ACCSL: variants seen among roughly 807,000 people sequenced by gnomAD.
ACCSL encodes 1-aminocyclopropane-1-carboxylate synthase homolog (inactive) like, also known as probable inactive 1-aminocyclopropane-1-carboxylate synthase-like protein 2.
A neutral mutation model predicts 61.7 loss-of-function variants in ACCSL; 55 were observed. That is an observed-to-expected ratio of 0.89 (90% confidence interval 0.72 to 1.12). The LOEUF is 1.12. ACCSL is among the 50% of genes most tolerant of loss of function. The probability of loss-of-function intolerance (pLI) is 0.00; values close to 1 mark genes in which losing one functional copy is unlikely to be tolerated. For missense variants in ACCSL, 632 were observed against 698.0 expected (o/e 0.91, Z 1.07); for synonymous variants, 258 against 264.3 (o/e 0.98, Z 0.23).
the ACCSL span, among the ~76,000 whole-genome samples, chr11:43,999,053 A>G: frequency 6.6e-6 from 1 of 152,174 alleles, no homozygotes; most frequent in Non-Finnish European, 1.5e-5. Flanking sequence ...TATGTATGCT[A>G]AGTGGCTCTC....
At chr11:44,031,166 G>T in the ACCSL span, among the ~76,000 whole-genome samples, 1 of 152,278 alleles carries the variant, frequency 6.6e-6, no homozygotes, top group African/African-American at 2.4e-5. Flanking sequence ...GCTTGTGAAT[G>T]GTTAGGAGGA....
chr11:43,985,982 C>CAAAT, the ACCSL span, among the ~76,000 whole-genome samples: 5 of 126,902 alleles, frequency 3.9e-5, no homozygotes, highest in Non-Finnish European at 1.8e-5. Context: ...ATATAATAAA[C>CAAAT]AAACAAACAA....
the ACCSL span, among the ~76,000 whole-genome samples, chr11:44,030,916 G>A: frequency 0.31 from 47,534 of 151,918 alleles, 7,726 homozygotes; most frequent in Admixed American, 0.37. Flanking sequence ...GACAAGGAGG[G>A]TCCTAGTTTT....
At chr11:44,000,814 G>C in the ACCSL span, among the ~76,000 whole-genome samples, 66,702 of 151,860 alleles carry the variant, frequency 0.44, 15,246 homozygotes, top group Middle Eastern at 0.56. Flanking sequence ...TATACAAATA[G>C]TATGCCATTT....
the ACCSL span, among the ~76,000 whole-genome samples, chr11:43,982,226 C>CTTTTTTTTT: frequency 1.2e-5 from 1 of 86,322 alleles, no homozygotes; most frequent in Non-Finnish European, 2.2e-5. Context: ...CCAAGGCCCT[C>CTTTTTTTTT]TTTTTTTTTT....
At chr11:43,976,123 A>G in the ACCSL span, among the ~76,000 whole-genome samples, 40 of 149,646 alleles carry the variant, frequency 2.7e-4, no homozygotes, top group Admixed American at 1.5e-3. Flanking sequence ...TTAAAGAACT[A>G]CACCCTAGAA....
the ACCSL span, among the ~76,000 whole-genome samples, chr11:44,039,816 C>A: frequency 3.3e-5 from 5 of 152,226 alleles, no homozygotes; most frequent in Non-Finnish European, 7.3e-5. Flanking sequence ...GCTGCCTTGG[C>A]CTTGCTTCTG....
At chr11:43,935,581 G>A in the ACCSL span, among the ~76,000 whole-genome samples, 1 of 152,278 alleles carries the variant, frequency 6.6e-6, no homozygotes, top group African/African-American at 2.4e-5. Flanking sequence ...GAGGTGGGAT[G>A]TGCACGTGCA....
the ACCSL span, among the ~76,000 whole-genome samples, chr11:44,018,694 C>G: frequency 2.6e-5 from 4 of 152,114 alleles, no homozygotes; most frequent in African/African-American, 7.2e-5. Flanking sequence ...ATATAAAATT[C>G]ACCTTTTTCA....
the ACCSL span, among the ~76,000 whole-genome samples, chr11:43,975,166 T>C: frequency 1.3e-5 from 2 of 152,066 alleles, no homozygotes; most frequent in Admixed American, 6.6e-5. Context: ...GTACCTTTTG[T>C]GGAGGCTGCC....
At chr11:43,958,441 C>T in the ACCSL span, among the ~76,000 whole-genome samples, 1 of 152,182 alleles carries the variant, frequency 6.6e-6, no homozygotes, top group Admixed American at 6.5e-5. Flanking sequence ...TGGCCCCCTA[C>T]CCACCAAATT....
the ACCSL span, among the ~76,000 whole-genome samples, chr11:43,963,138 C>T: frequency 6.6e-6 from 1 of 152,204 alleles, no homozygotes; most frequent in African/African-American, 2.4e-5. Context: ...ACACAGGGCA[C>T]AGTAACTGGA....
the ACCSL span, among the ~76,000 whole-genome samples, chr11:43,956,179 A>G: frequency 6.6e-6 from 1 of 151,976 alleles, no homozygotes; most frequent in East Asian, 1.9e-4. Context: ...CGTTTGCCTT[A>G]TTTGAACACA....
the ACCSL span, among the ~76,000 whole-genome samples, chr11:43,946,377 C>T: frequency 3.3e-5 from 5 of 152,100 alleles, no homozygotes; most frequent in Non-Finnish European, 5.9e-5. Context: ...GGATTACAGG[C>T]GTGAGCCACC....
chr11:43,952,327 T>C, the ACCSL span, among the ~76,000 whole-genome samples: 1 of 152,226 alleles, frequency 6.6e-6, no homozygotes, highest in Non-Finnish European at 1.5e-5. Flanking sequence ...GTGCAGTATT[T>C]GGTTTTCTGT....
At chr11:43,924,423 C>T in the ACCSL span, among the ~76,000 whole-genome samples, 4 of 152,242 alleles carry the variant, frequency 2.6e-5, no homozygotes, top group African/African-American at 4.8e-5. Context: ...CGGGAGCTCA[C>T]CACTGGCCAG....
the ACCSL span, among the ~76,000 whole-genome samples, chr11:43,963,177 G>T: frequency 1.3e-5 from 2 of 152,234 alleles, no homozygotes; most frequent in Non-Finnish European, 2.9e-5. Flanking sequence ...CCATGGAGAA[G>T]GGTTGAGTGT....
At chr11:43,956,627 G>T in the ACCSL span, among the ~76,000 whole-genome samples, 1 of 152,152 alleles carries the variant, frequency 6.6e-6, no homozygotes, top group Non-Finnish European at 1.5e-5. Flanking sequence ...CACTGTGTTA[G>T]CCAGGCTGGT....
the ACCSL span, among the ~76,000 whole-genome samples, chr11:43,951,191 G>A: frequency 6.6e-6 from 1 of 152,190 alleles, no homozygotes; most frequent in African/African-American, 2.4e-5. Flanking sequence ...AAAGTCAGGA[G>A]AGATAGAAAG....
Sources: gnomAD v4.1 joint callset for allele counts (sites outside exome capture counted in the v4.1 genomes callset) on GRCh38, gnomAD v4.1.1 for gene constraint, MANE v1.5 for transcripts, NCBI Gene and HGNC (gene_info 2026-07-23, HGNC 2026-07-21) for gene names.